The following ATXN7L1 variants were observed in gnomAD, a reference collection of about 807,000 sequenced individuals.
The protein encoded by ATXN7L1 is ataxin-7-like protein 1.
ATXN7L1 carries 15 observed loss-of-function variants against 70.8 expected under a neutral mutation model. That is an observed-to-expected ratio of 0.21 (90% CI 0.14 to 0.33). The LOEUF is 0.33. Among genes scored for constraint, ATXN7L1 ranks in the 10% least tolerant of loss-of-function variants. ATXN7L1 has a pLI of 1.00. For missense variants in ATXN7L1, 975 were observed against 1,097.1 expected, an observed-to-expected ratio of 0.89 and a Z score of 1.57; for synonymous variants, 440 against 445.1, an observed-to-expected ratio of 0.99 and a Z score of 0.14.
chr7:105,778,510 C>CAAAA (rs745820046), intron 3 of ATXN7L1, among the ~76,000 whole-genome samples: 23 of 34,150 alleles, frequency 6.7e-4, no homozygotes, highest in African/African-American at 2.3e-3. Context: ...GACCCTATCT[C>CAAAA]AAAAAAAAAA....
intron 2 of ATXN7L1, among the ~76,000 whole-genome samples, chr7:105,813,908 A>G (rs1437216754): frequency 6.6e-6 from 1 of 152,060 alleles, no homozygotes; most frequent in African/African-American, 2.4e-5. Flanking sequence ...TTCTCCATGT[A>G]TCCTGGATTC....
intron 3 of ATXN7L1, among the ~76,000 whole-genome samples, chr7:105,761,920 T>A (rs1348938079): frequency 1.3e-5 from 2 of 152,210 alleles, no homozygotes; most frequent in Non-Finnish European, 2.9e-5. Flanking sequence ...TGTAAAATCA[T>A]CAGTAAGTTT....
chr7:105,812,798 C>T (rs1481557344), intron 2 of ATXN7L1, among the ~76,000 whole-genome samples: 6 of 152,156 alleles, frequency 3.9e-5, no homozygotes, highest in Admixed American at 3.9e-4. Context: ...CCCAGAAGTT[C>T]AAGACCAGCC....
rs1293312517 is a variant in ATXN7L1 at position 105,852,702 on chromosome 7, C to A, written c.250+23110G>T. 3.3e-5 allele frequency among the ~76,000 whole-genome samples: 5 copies of A among 151,828 alleles called. No homozygotes were observed. The South Asian group carries it at 1.1e-3, about 32-fold the overall frequency. ...AAGCATCATCCCAGTCACATCAGTTCTCTCCAGGTCTCTGTTTGACCCGCT... is the reference window on the plus strand; with the variant it reads ...AAGCATCATCCCAGTCACATCAGTTATCTCCAGGTCTCTGTTTGACCCGCT... On this transcript the variant is annotated intron_variant, in intron 2 of 11. Coordinates refer to ENST00000419735, the MANE Select transcript of ATXN7L1 (RefSeq NM_020725.2).
At chr7:105,709,677 G>A (rs1295868822) in intron 3 of ATXN7L1, among the ~76,000 whole-genome samples, 1 of 152,064 alleles carries the variant, frequency 6.6e-6, no homozygotes, top group Non-Finnish European at 1.5e-5. Context: ...TCTTTCTGGT[G>A]GAAATCACCA....
At chr7:105,693,232 C>T (rs905755370) in intron 3 of ATXN7L1, among the ~76,000 whole-genome samples, 1 of 151,968 alleles carries the variant, frequency 6.6e-6, no homozygotes, top group East Asian at 1.9e-4. Flanking sequence ...TTCTCTCTTG[C>T]CCAGGCTGGA....
At chr7:105,875,971 C>G (rs1819208986) in intron 1 of ATXN7L1, 91 bp from the exon 2 acceptor site, 1 of 1,090,650 alleles carries the variant, frequency 9.2e-7, no homozygotes, top group African/African-American at 1.6e-5. Context: ...TGTTTATTTG[C>G]AAACAGATCG....
intron 3 of ATXN7L1, among the ~76,000 whole-genome samples, chr7:105,727,235 A>G (rs1162999664): frequency 1.3e-5 from 2 of 152,154 alleles, no homozygotes; most frequent in African/African-American, 2.4e-5. Context: ...AACAGGGGGG[A>G]AAATGTAACC....
intron 3 of ATXN7L1, among the ~76,000 whole-genome samples, chr7:105,683,793 A>C (rs1423842916): frequency 6.6e-6 from 1 of 152,148 alleles, no homozygotes. Context: ...AGCTATTTAC[A>C]AATGGGACAC....
chr7:105,801,682 T>C (rs559756873), intron 2 of ATXN7L1, among the ~76,000 whole-genome samples: 33 of 152,274 alleles, frequency 2.2e-4, no homozygotes, highest in African/African-American at 7.7e-4. Flanking sequence ...GTGAGCTCTT[T>C]GGATATATGC....
chr7:105,830,583 C>G (rs1811467597), intron 2 of ATXN7L1, among the ~76,000 whole-genome samples: 1 of 152,268 alleles, frequency 6.6e-6, no homozygotes, highest in Non-Finnish European at 1.5e-5. Context: ...AACAGTAAAT[C>G]AAAAGCAAAT....
At chr7:105,805,852 T>TG (rs1027109619) in intron 2 of ATXN7L1, among the ~76,000 whole-genome samples, 1 of 151,816 alleles carries the variant, frequency 6.6e-6, no homozygotes, top group Non-Finnish European at 1.5e-5. Flanking sequence ...ATGAGGATGC[T>TG]GGGGGGAAGG....
chr7:105,613,603 C>T (rs1793377376), intron 10 of ATXN7L1: 2 of 1,371,230 alleles, frequency 1.5e-6, no homozygotes, highest in Admixed American at 5.9e-5. Context: ...ACTGCACTCA[C>T]TGCACTGGGG....
chr7:105,839,284 G>A (rs1812859445), intron 2 of ATXN7L1, among the ~76,000 whole-genome samples: 1 of 151,116 alleles, frequency 6.6e-6, no homozygotes, highest in East Asian at 2.0e-4. Context: ...ATCAAAACTT[G>A]AACATGGAAG....
intron 3 of ATXN7L1, among the ~76,000 whole-genome samples, chr7:105,672,189 G>A (rs1803843161): frequency 6.6e-6 from 1 of 152,012 alleles, no homozygotes; most frequent in Non-Finnish European, 1.5e-5. Context: ...GGGAGGCTGA[G>A]GCAGGAGAAT....
rs1563049077 is a variant in ATXN7L1 at position 105,733,640 on chromosome 7, A to T, written c.355+54964T>A. Among the ~76,000 whole-genome samples the T allele has an allele frequency of 6.3e-4, 89 of 141,276 alleles. 2 individuals are homozygous for T. The highest frequency in any genetic ancestry group is 8.2e-4 in the African/African-American group (30 of 36,532). 92.7% of individuals were successfully genotyped at this position (141,276 alleles called of 152,430 possible). On this transcript the variant is annotated intron_variant, in intron 3 of 11. Coordinates refer to ENST00000419735, the MANE Select transcript of ATXN7L1 (RefSeq NM_020725.2). The stretch of plus-strand genomic sequence containing the variant: ...CATCCATCCATCCATCCACCCATCC[A>T]TCCATCCATCCATCCATCCATCCAT...
intron 9 of ATXN7L1, among the ~76,000 whole-genome samples, chr7:105,619,548 T>TAA (rs1794622299): frequency 2.8e-5 from 1 of 36,202 alleles, no homozygotes; most frequent in Admixed American, 3.1e-4. Flanking sequence ...TTTTTTTTTT[T>TAA]TTTTTTTTTT....
chr7:105,699,605 C>A (rs1792184345), intron 3 of ATXN7L1, among the ~76,000 whole-genome samples: 2 of 152,198 alleles, frequency 1.3e-5, no homozygotes, highest in South Asian at 4.1e-4. Flanking sequence ...ATGAATTTTA[C>A]AGTGCAACCT....
chr7:105,682,787 G>T (rs546750580), intron 3 of ATXN7L1, among the ~76,000 whole-genome samples: 3 of 152,300 alleles, frequency 2.0e-5, no homozygotes, highest in East Asian at 1.9e-4. Context: ...TGTATGTGGT[G>T]GGGGAGGGGG....
Sources: gnomAD v4.1 joint callset for allele counts (sites outside exome capture counted in the v4.1 genomes callset) on GRCh38, gnomAD v4.1.1 for gene constraint, MANE v1.5 for transcripts, NCBI Gene and HGNC (gene_info 2026-07-23, HGNC 2026-07-21) for gene names.